FAM219B: variants seen among roughly 807,000 people sequenced by gnomAD.
FAM219B encodes protein FAM219B.
A neutral mutation model predicts 19.9 loss-of-function variants in FAM219B; 18 were observed. The ratio of observed to expected loss-of-function variants is 0.91; its 90% confidence interval spans 0.63 to 1.34. The LOEUF (loss-of-function observed/expected upper bound fraction) is 1.34, where lower values mean the gene tolerates loss of function less well. Ranked by LOEUF, FAM219B falls within the 40% of genes most tolerant of loss-of-function variation. FAM219B has a pLI of 0.00. For missense variants in FAM219B, 283 were observed against 270.5 expected (o/e 1.05, Z -0.32); for synonymous variants, 123 against 117.5 (o/e 1.05, Z -0.30).
Position 74,902,745 on chromosome 15 carries a change from C to A in FAM219B, c.471G>T (p.Gly157=), listed in dbSNP as rs149020500. The A allele has an allele frequency of 4.3e-6, 7 of 1,611,734 alleles. No individual in the cohort carries two copies. The highest frequency in any genetic ancestry group is 2.7e-5 in the African/African-American group (2 of 74,908). ...CATCTGGAATCTCATCCAGGTGATA[C>A]CCATCCTGAAGCAGCTGCCGGCTCA... ...QDVSRQLLQD[G]YHLDEIPDDE... Residue 157 remains glycine (G), a synonymous_variant, in exon 5 of 5, where the codon GGG becomes GGT. Coordinates refer to ENST00000357635, the MANE Select transcript of FAM219B (RefSeq NM_020447.5).
In FAM219B at chr15:74,904,985, T is replaced by C. The variant is rs528334285; in HGVS notation, c.380+169A>G. 352 of 1,541,162 alleles carry C rather than the reference T, an allele frequency of 2.3e-4. No individual in the cohort carries two copies. In the African/African-American group the frequency reaches 4.5e-3, roughly 20 times the overall value. On this transcript the variant is annotated intron_variant, in intron 3 of 4. Transcript: ENST00000357635. Reference sequence around the variant, plus strand: ...AATTCTAGAGCAGCACGATTACCTATGAGTCTTCTAACCAAGCCATCCTGG... The same window carrying C: ...AATTCTAGAGCAGCACGATTACCTACGAGTCTTCTAACCAAGCCATCCTGG...
intron 3 of FAM219B, 105 bp from the exon 4 acceptor site, chr15:74,904,817 A>C: frequency 6.6e-7 from 1 of 1,505,458 alleles, no homozygotes; most frequent in Non-Finnish European, 9.2e-7. Flanking sequence ...TTTTGAAGCA[A>C]AGGCCACACA....
intron 4 of FAM219B, among the ~76,000 whole-genome samples, chr15:74,903,007 C>T (rs951555963): frequency 1.3e-5 from 2 of 152,104 alleles, no homozygotes; most frequent in Non-Finnish European, 2.9e-5. Context: ...TGTCACTGAC[C>T]CCCAGGGATC....
chr15:74,902,984 G>A (rs1465922240), intron 4 of FAM219B, among the ~76,000 whole-genome samples, 198 bp from the exon 5 acceptor site: 2 of 152,128 alleles, frequency 1.3e-5, no homozygotes, highest in South Asian at 2.1e-4. Context: ...CCTTAGTACT[G>A]TCCAGACTTC....
At chr15:74,905,002 C>A in intron 3 of FAM219B, 152 bp downstream of exon 3, 1 of 1,545,998 alleles carries the variant, frequency 6.5e-7, no homozygotes, top group Non-Finnish European at 8.7e-7. Context: ...TCTAACCAAG[C>A]CATCCTGGGA....
intron 2 of FAM219B, 79 bp downstream of exon 2, chr15:74,906,199 C>T: frequency 6.6e-7 from 1 of 1,506,368 alleles, no homozygotes; most frequent in Non-Finnish European, 9.0e-7. Flanking sequence ...GGCCTTAAAC[C>T]AGAGCACCCT....
Position 74,901,081 on chromosome 15 carries a change from A to C in FAM219B, c.*1538T>G, listed in dbSNP as rs979727053. 2.0e-5 allele frequency: 3 copies of C among 152,192 alleles called. No individual in the cohort carries two copies. The highest frequency in any genetic ancestry group is 4.4e-5 in the Non-Finnish European group (3 of 68,032). The allele number at this position is 152,192 out of a possible 1,614,324, so 9.4% of individuals were successfully genotyped here. A position where few individuals can be genotyped will look rare whatever the true frequency, so the allele number is the denominator to read the frequency against. On this transcript the variant is annotated 3_prime_UTR_variant, in exon 5 of 5. Coordinates refer to ENST00000357635, the MANE Select transcript of FAM219B (RefSeq NM_020447.5). ...GTGGTCACAGGACACTGAGTAAAGC[A>C]AGAGACTGGATACTTTCCCATGTAG...
chr15:74,902,538 C>T lies in FAM219B; in HGVS notation c.*81G>A. ...TCTAGGGGTCAGTGACTTCAGTGCT[C>T]ACTGCACTGTGTGAGCTATGAGTGG... On this transcript the variant is annotated 3_prime_UTR_variant, in exon 5 of 5. Coordinates refer to ENST00000357635, the MANE Select transcript of FAM219B (RefSeq NM_020447.5). The T allele has an allele frequency of 9.0e-6, 13 of 1,436,690 alleles. No homozygotes were observed. Among genetic ancestry groups the T allele is most frequent in the Non-Finnish European group, 1.2e-5 (13 of 1,069,062 alleles). 89.0% of individuals were successfully genotyped at this position (1,436,690 alleles called of 1,614,324 possible). A position where few individuals can be genotyped will look rare whatever the true frequency, so the allele number is the denominator to read the frequency against.
At chr15:74,902,944 T>A (rs1457294470) in intron 4 of FAM219B, among the ~76,000 whole-genome samples, 158 bp from the exon 5 acceptor site, 1 of 152,012 alleles carries the variant, frequency 6.6e-6, no homozygotes, top group Non-Finnish European at 1.5e-5. Flanking sequence ...AGTACCACCT[T>A]CTCCTACTTG....
Position 74,906,312 on chromosome 15 carries a change from C to T in FAM219B, c.268G>A (p.Ala90Thr), listed in dbSNP as rs772206811. The T allele has an allele frequency of 6.2e-7, 1 of 1,613,546 alleles. No homozygotes were observed. Among genetic ancestry groups the T allele is most frequent in the Non-Finnish European group, 8.5e-7 (1 of 1,179,950 alleles). Reference protein sequence around the residue: ...AVLRRKGMLGASPNRPDSSGK... With the variant: ...AVLRRKGMLGTSPNRPDSSGK... ...GAAGAGTCTGGGCGGTTCGGCGAGG[C>T]CCCCAGCATGCCTTTTCTCCGCAGA... Residue 90 changes from alanine to threonine, a missense_variant, in exon 2 of 5, where the codon GCC (alanine) becomes ACC (threonine). Ala to Thr is a moderately conservative substitution (Grantham distance 58). Coordinates refer to ENST00000357635, the MANE Select transcript of FAM219B (RefSeq NM_020447.5).
chr15:74,902,600 C>A lies in FAM219B; in HGVS notation c.*19G>T, dbSNP rs766884366. The stretch of plus-strand genomic sequence containing the variant: ...CTGTAGGCCTCATGGTGAGCAGGGC[C>A]CACCTTGGAGGGTAATGTCTACTGG... On this transcript the variant is annotated 3_prime_UTR_variant, in exon 5 of 5. Coordinates refer to ENST00000357635, the MANE Select transcript of FAM219B (RefSeq NM_020447.5). The A allele has an allele frequency of 6.3e-7, 1 of 1,586,196 alleles. No individual in the cohort carries two copies. Among genetic ancestry groups the A allele is most frequent in the Non-Finnish European group, 8.6e-7 (1 of 1,164,832 alleles).
chr15:74,906,525 G>A (rs2065202222), intron 1 of FAM219B, 62 bp downstream of exon 1: 1 of 1,459,902 alleles, frequency 6.8e-7, no homozygotes, highest in Non-Finnish European at 9.1e-7. Flanking sequence ...TCCGGAACCC[G>A]CCCTGGGGAC....
chr15:74,906,828 C>T lies in FAM219B; in HGVS notation c.-28G>A. 1 of 1,246,840 alleles carries T rather than the reference C, an allele frequency of 8.0e-7. No individual in the cohort carries two copies. The highest frequency in any genetic ancestry group is 1.6e-5 in the African/African-American group (1 of 64,422). The allele number at this position is 1,246,840 out of a possible 1,614,324, so 77.2% of individuals were successfully genotyped here. On this transcript the variant is annotated 5_prime_UTR_variant, in exon 1 of 5. Transcript: ENST00000357635. ...CCGGGCCCCGCCCTGCCGGATGGTGCAACCCCGCCCGTGGCGAAAGAGTGA... is the reference window on the plus strand; with the variant it reads ...CCGGGCCCCGCCCTGCCGGATGGTGTAACCCCGCCCGTGGCGAAAGAGTGA...
At chr15:74,898,747 G>C (rs1393703357), downstream of FAM219B, 2 of 152,148 alleles carry the variant, frequency 1.3e-5, no homozygotes, top group Non-Finnish European at 2.9e-5. Context: ...CACTGTGTTA[G>C]CCAGGATGGT....
At position 74,906,634 on chromosome 15, in the gene FAM219B, C is replaced by A; in HGVS notation, c.167G>T (p.Arg56Leu). 6.6e-7 allele frequency: 1 copy of A among 1,508,314 alleles called. No individual in the cohort carries two copies. The highest frequency in any genetic ancestry group is 2.4e-5 in the East Asian group (1 of 42,288). 93.4% of individuals were successfully genotyped at this position (1,508,314 alleles called of 1,614,324 possible). ...GERTPAAVEK[R>L]GPYMVTRAPS... ...TGCGCGCGTCACCATGTATGGCCCC[C>A]GCTTTTCCACGGCCGCGGGGGTGCG... The change falls in exon 1 of 5, where the codon CGG (arginine) becomes CTG (leucine). Residue 56 changes from arginine to leucine, a missense_variant. By Grantham distance (102) the Arg-to-Leu change is moderately radical. Coordinates refer to ENST00000357635, the MANE Select transcript of FAM219B (RefSeq NM_020447.5).
rs779558371 is a variant in FAM219B at position 74,901,845 on chromosome 15, T to C, written c.*774A>G. On this transcript the variant is annotated 3_prime_UTR_variant, in exon 5 of 5. Coordinates refer to ENST00000357635, the MANE Select transcript of FAM219B (RefSeq NM_020447.5). ...CCTAATCTTTAGCTCAAAGACTGGG[T>C]GAAGAAACTCACCCAGACCAAGGAA... 2.9e-6 allele frequency: 1 copy of C among 344,898 alleles called. No individual in the cohort carries two copies. Among genetic ancestry groups the C allele is most frequent in the African/African-American group, 2.1e-5 (1 of 47,626 alleles). The allele number at this position is 344,898 out of a possible 1,614,324, so 21.4% of individuals were successfully genotyped here. A position where few individuals can be genotyped will look rare whatever the true frequency, so the allele number is the denominator to read the frequency against.
In FAM219B at chr15:74,906,814, C is replaced by T. The variant is rs2065222381; in HGVS notation, c.-14G>A. ...CGCGGTCGCCATGGCCGGGCCCCGC[C>T]CTGCCGGATGGTGCAACCCCGCCCG... On this transcript the variant is annotated 5_prime_UTR_variant, in exon 1 of 5. Transcript: ENST00000357635. 7.8e-7 allele frequency: 1 copy of T among 1,275,626 alleles called. No homozygotes were observed. Among genetic ancestry groups the T allele is most frequent in the African/African-American group, 1.6e-5 (1 of 64,432 alleles). The allele number at this position is 1,275,626 out of a possible 1,614,324, so 79.0% of individuals were successfully genotyped here. A position where few individuals can be genotyped will look rare whatever the true frequency, so the allele number is the denominator to read the frequency against.
At position 74,901,325 on chromosome 15, in the gene FAM219B, C is replaced by G. The variant is rs143749689; in HGVS notation, c.*1294G>C. The G allele has an allele frequency of 3.9e-5, 6 of 152,246 alleles. No individual in the cohort carries two copies. In the East Asian group the frequency reaches 1.2e-3, roughly 29 times the overall value. 9.4% of individuals were successfully genotyped at this position (152,246 alleles called of 1,614,324 possible). On this transcript the variant is annotated 3_prime_UTR_variant, in exon 5 of 5. Coordinates refer to ENST00000357635, the MANE Select transcript of FAM219B (RefSeq NM_020447.5). The stretch of plus-strand genomic sequence containing the variant: ...GTTAAGCCAAAAAACAAAACAAAAC[C>G]TGTTGGAAAAATTCTAGAAAGAGGC...
chr15:74,906,812 G>A lies in FAM219B; in HGVS notation c.-12C>T. The A allele has an allele frequency of 3.1e-6, 4 of 1,276,738 alleles. No homozygotes were observed. The highest frequency in any genetic ancestry group is 3.2e-5 in the East Asian group (1 of 31,722). 79.1% of individuals were successfully genotyped at this position (1,276,738 alleles called of 1,614,324 possible). On this transcript the variant is annotated 5_prime_UTR_variant, in exon 1 of 5. Coordinates refer to ENST00000357635, the MANE Select transcript of FAM219B (RefSeq NM_020447.5). ...TCCGCGGTCGCCATGGCCGGGCCCCGCCCTGCCGGATGGTGCAACCCCGCC... is the reference window on the plus strand; with the variant it reads ...TCCGCGGTCGCCATGGCCGGGCCCCACCCTGCCGGATGGTGCAACCCCGCC...
Sources: gnomAD v4.1 joint callset for allele counts (sites outside exome capture counted in the v4.1 genomes callset) on GRCh38, gnomAD v4.1.1 for gene constraint, MANE v1.5 for transcripts, NCBI Gene and HGNC (gene_info 2026-07-23, HGNC 2026-07-21) for gene names.